Variants in ENOX2 observed in about 807,000 individuals in gnomAD.
ENOX2 encodes the protein ecto-NOX disulfide-thiol exchanger 2.
In ENOX2, 36 loss-of-function variants were observed where a neutral mutation model predicts 45.0. That is an observed-to-expected ratio of 0.80 (90% CI 0.61 to 1.06). The LOEUF is 1.06. Ranked by LOEUF, ENOX2 falls within the 50% of genes least tolerant of loss-of-function variation. The probability of loss-of-function intolerance (pLI) is 0.00; values close to 1 mark genes in which losing one functional copy is unlikely to be tolerated. For missense variants in ENOX2, 423 were observed against 462.5 expected (o/e 0.91, Z 0.78); for synonymous variants, 174 against 152.3 (o/e 1.14, Z -1.05).
At chrX:130,658,696 C>T (rs1028822701) in intron 9 of ENOX2, among the ~76,000 whole-genome samples, 2 of 111,720 alleles carry the variant, frequency 1.8e-5, no homozygotes, top group African/African-American at 3.2e-5. Context: ...CAATTTAAGG[C>T]CAGAAGTCAG....
chrX:130,714,111 TG>T (rs1349463374), intron 3 of ENOX2, among the ~76,000 whole-genome samples: 1 of 111,614 alleles, frequency 9.0e-6, no homozygotes, highest in Admixed American at 9.5e-5. Context: ...CAAGATCTCT[TG>T]GAGGAAAAAA....
Position 130,869,395 on chromosome X carries a change from C to T in ENOX2, c.-183+32289G>A, listed in dbSNP as rs148095174. Among the ~76,000 whole-genome samples the T allele has an allele frequency of 5.8e-3, 645 of 111,396 alleles. 7 individuals carry two copies. The highest frequency in any genetic ancestry group is 0.02 in the African/African-American group (614 of 30,692). Reference sequence around the variant, plus strand: ...TCCACATTCCTTAGCACAGTGTAAGCGTATAATCTGCACCTCCCAACTTAT... The same window carrying T: ...TCCACATTCCTTAGCACAGTGTAAGTGTATAATCTGCACCTCCCAACTTAT... On this transcript the variant is annotated intron_variant, in intron 2 of 14. Transcript: ENST00000394363.
intron 5 of ENOX2, among the ~76,000 whole-genome samples, chrX:130,687,883 G>A (rs767043594): frequency 8.9e-6 from 1 of 112,232 alleles, no homozygotes; most frequent in African/African-American, 3.2e-5. Context: ...CCCTGCCAGG[G>A]CTTGGGCCAT....
chrX:130,780,753 G>T (rs1017246643), intron 3 of ENOX2, among the ~76,000 whole-genome samples: 1 of 111,436 alleles, frequency 9.0e-6, no homozygotes, highest in Non-Finnish European at 1.9e-5. Context: ...GGAAGAGGTA[G>T]GAGGGTTGGG....
At chrX:130,838,679 A>C (rs1214363817) in intron 2 of ENOX2, among the ~76,000 whole-genome samples, 3 of 111,951 alleles carry the variant, frequency 2.7e-5, no homozygotes, top group Non-Finnish European at 3.8e-5. Flanking sequence ...GAATGATAGA[A>C]AGCATGATTT....
chrX:130,799,365 C>G (rs141817680), intron 2 of ENOX2, among the ~76,000 whole-genome samples: 2 of 112,190 alleles, frequency 1.8e-5, no homozygotes, highest in African/African-American at 6.5e-5. Context: ...GTTGACTTCC[C>G]TAACTTTTGA....
chrX:130,719,606 C>T (rs1324018133), intron 3 of ENOX2, among the ~76,000 whole-genome samples: 1 of 112,275 alleles, frequency 8.9e-6, no homozygotes, highest in Non-Finnish European at 1.9e-5. Context: ...AAGGGGCTAG[C>T]ATGGGGGCTC....
chrX:130,735,296 C>T (rs1327887634), intron 3 of ENOX2, among the ~76,000 whole-genome samples: 2 of 112,136 alleles, frequency 1.8e-5, no homozygotes, highest in Admixed American at 9.4e-5. Context: ...TAGAGCCTTC[C>T]AGTTTCCTTT....
intron 3 of ENOX2, among the ~76,000 whole-genome samples, chrX:130,769,622 T>A (rs2039692678): frequency 8.9e-6 from 1 of 111,850 alleles, no homozygotes; most frequent in Non-Finnish European, 1.9e-5. Flanking sequence ...TTACCAGATG[T>A]ACGCACTCTG....
chrX:130,632,795 T>C (rs1273398514), intron 12 of ENOX2, among the ~76,000 whole-genome samples: 3 of 112,124 alleles, frequency 2.7e-5, no homozygotes, highest in Non-Finnish European at 5.6e-5. Context: ...GGGGAACCCT[T>C]TCTTGATGAC....
chrX:130,692,666 C>T (rs1202713341), intron 4 of ENOX2, among the ~76,000 whole-genome samples: 3 of 108,073 alleles, frequency 2.8e-5, no homozygotes, highest in Non-Finnish European at 3.8e-5. Context: ...TTGCAACCTC[C>T]GCCTCCCGGG....
intron 3 of ENOX2, among the ~76,000 whole-genome samples, chrX:130,720,814 G>A (rs1404497261): frequency 9.0e-6 from 1 of 111,451 alleles, no homozygotes; most frequent in Non-Finnish European, 1.9e-5. Flanking sequence ...TTGTGGTTGG[G>A]TGTAGACAAA....
At chrX:130,788,658 G>C (rs1302117795) in intron 2 of ENOX2, among the ~76,000 whole-genome samples, 7 of 112,066 alleles carry the variant, frequency 6.2e-5, no homozygotes, top group African/African-American at 2.3e-4. Context: ...CAGAGTAACA[G>C]ATAACTAACA....
chrX:130,757,612 A>C (rs765400355), intron 3 of ENOX2, among the ~76,000 whole-genome samples: 1 of 111,923 alleles, frequency 8.9e-6, no homozygotes, highest in Admixed American at 9.5e-5. Flanking sequence ...GCTGTACTTA[A>C]GTGTCCTGTC....
chrX:130,682,920 C>G (rs1324760859), intron 5 of ENOX2, among the ~76,000 whole-genome samples: 2 of 111,574 alleles, frequency 1.8e-5, no homozygotes, highest in Non-Finnish European at 3.8e-5. Context: ...ATACAGTGAT[C>G]AGGGCACAGC....
At chrX:130,689,140 A>G (rs1289757261) in intron 4 of ENOX2, 122 bp from the exon 5 acceptor site, 3 of 511,438 alleles carry the variant, frequency 5.9e-6, no homozygotes. Context: ...TTTAACAAGC[A>G]TGGTACTTAG....
chrX:130,773,559 C>T (rs2039790462), intron 3 of ENOX2, among the ~76,000 whole-genome samples: 1 of 111,945 alleles, frequency 8.9e-6, no homozygotes, highest in Non-Finnish European at 1.9e-5. Flanking sequence ...GCTACTGCTG[C>T]TGTTATAGTT....
At position 130,645,249 on chromosome X, in the gene ENOX2, G is replaced by C. The variant is rs539187854; in HGVS notation, c.1130-7839C>G. Reference sequence around the variant, plus strand: ...TTCATTTAGTACCTTTAGAATGAAAGGTAGAATGAAGTGGAAAGCAAAAAA... The same window carrying C: ...TTCATTTAGTACCTTTAGAATGAAACGTAGAATGAAGTGGAAAGCAAAAAA... On this transcript the variant is annotated intron_variant, in intron 10 of 14. Coordinates refer to ENST00000394363, the MANE Select transcript of ENOX2 (RefSeq NM_006375.4). Among the ~76,000 whole-genome samples, 44 of 111,893 alleles carry C rather than the reference G, an allele frequency of 3.9e-4. No individual in the cohort carries two copies. In the South Asian group the frequency reaches 0.014, roughly 36 times the overall value.
chrX:130,859,389 A>C (rs2078373216), intron 2 of ENOX2, among the ~76,000 whole-genome samples: 1 of 112,981 alleles, frequency 8.9e-6, no homozygotes, highest in South Asian at 3.6e-4. Context: ...AAATGGGATA[A>C]ACAGATAAAC....
Sources: allele counts gnomAD v4.1 joint callset (sites outside exome capture counted in the v4.1 genomes callset), GRCh38; gene constraint gnomAD v4.1.1; transcripts MANE v1.5; gene names NCBI Gene and HGNC (gene_info 2026-07-23, HGNC 2026-07-21).